The following PTK2 variants were observed in gnomAD, a reference collection of about 807,000 sequenced individuals.
PTK2 encodes the protein focal adhesion kinase 1.
Under a neutral mutation model 150.1 loss-of-function variants are expected in PTK2, and 45 were observed. The ratio of observed to expected loss-of-function variants is 0.30; its 90% CI spans 0.24 to 0.38. The LOEUF is 0.38. PTK2 is among the 10% of genes least tolerant of loss of function. PTK2 has a pLI of 1.00. For missense variants in PTK2, 919 were observed against 1,307.3 expected (o/e 0.70, Z 4.58); for synonymous variants, 432 against 449.2 (o/e 0.96, Z 0.48).
Position 140,797,280 on chromosome 8 carries a change from T to C in PTK2, c.1093+3179A>G, listed in dbSNP as rs1426609872. 2.0e-5 allele frequency among the ~76,000 whole-genome samples: 3 copies of C among 152,208 alleles called. No individual in the cohort carries two copies. In the South Asian group the frequency reaches 6.2e-4, roughly 31 times the overall value. On this transcript the variant is annotated intron_variant, in intron 12 of 31. Coordinates refer to ENST00000522684, the Ensembl canonical transcript of PTK2. ...GTACATTCCTCTTTTTTATACTAGG[T>C]TGTCTTTTACTGAATGAGCTGGAAG...
chr8:140,756,022 A>C (rs2100065481), intron 16 of PTK2, among the ~76,000 whole-genome samples: 3 of 152,214 alleles, frequency 2.0e-5, no homozygotes, highest in Admixed American at 2.0e-4. Context: ...TATACAATAT[A>C]CACAAGAAAG....
Position 140,820,076 on chromosome 8 carries a change from GTTTTTTTTTTTTTTTTTTTTTT to G in PTK2, c.649-1078_649-1057del, listed in dbSNP as rs370537018. 1.6e-3 allele frequency among the ~76,000 whole-genome samples: 78 copies of G among 50,252 alleles called. 1 individual carries two copies. Among genetic ancestry groups the G allele is most frequent in the South Asian group, 6.8e-3 (9 of 1,318 alleles). The allele number at this position is 50,252 out of a possible 152,430, so 33.0% of individuals were successfully genotyped here. On this transcript the variant is annotated intron_variant, in intron 8 of 31. Coordinates refer to ENST00000522684, the Ensembl canonical transcript of PTK2. Reference sequence around the variant, plus strand: ...AGAGGAGTGACTTTATCTGACTTTGGTTTTTTTTTTTTTTTTTTTTTTTTTTTTTTTTTTTTTTTTTTAAATA... The same window carrying G: ...AGAGGAGTGACTTTATCTGACTTTGGTTTTTTTTTTTTTTTTTTTTAAATA...
intron 1 of PTK2, among the ~76,000 whole-genome samples, chr8:140,935,671 C>A (rs533122952): frequency 9.4e-5 from 14 of 148,254 alleles, no homozygotes; most frequent in African/African-American, 3.2e-4. Flanking sequence ...ATGCGCTGTT[C>A]ATGTAATCTC....
chr8:140,814,949 T>C (rs2100103791), intron 10 of PTK2, among the ~76,000 whole-genome samples: 1 of 152,094 alleles, frequency 6.6e-6, no homozygotes, highest in Non-Finnish European at 1.5e-5. Context: ...TGATTTTTTG[T>C]ATTTTTAGTA....
rs1034219005 is a variant in PTK2 at position 140,740,678 on chromosome 8, T to C, written c.1736-1571A>G. 3.3e-5 allele frequency among the ~76,000 whole-genome samples: 5 copies of C among 152,372 alleles called. No individual in the cohort carries two copies. In the South Asian group the frequency reaches 1.0e-3, roughly 32 times the overall value. ...ATTTGGACATCATACTACTTGGAATTTAGCTCTTTATTGGAATTCTAGGAC... is the reference window on the plus strand; with the variant it reads ...ATTTGGACATCATACTACTTGGAATCTAGCTCTTTATTGGAATTCTAGGAC... On this transcript the variant is annotated intron_variant, in intron 20 of 31. Transcript: ENST00000522684.
rs2100089733 is a variant in PTK2, at chr8:140,793,397, A to G, written c.1094-13T>C. 9 of 1,608,920 alleles carry G rather than the reference A, an allele frequency of 5.6e-6. No homozygotes were observed. The highest frequency in any genetic ancestry group is 7.6e-6 in the Non-Finnish European group (9 of 1,178,558). On this transcript the variant is annotated splice_polypyrimidine_tract_variant and intron_variant, in intron 12 of 31. Transcript: ENST00000522684. ...GCCCGTTCACCTTCTGCGGGGAAAA[A>G]GAAAAGAGATGCATAAGGCTCTTTT...
At chr8:140,814,102 AG>A (rs2100103276) in intron 10 of PTK2, among the ~76,000 whole-genome samples, 1 of 152,230 alleles carries the variant, frequency 6.6e-6, no homozygotes, top group Non-Finnish European at 1.5e-5. Flanking sequence ...AGACTGAGCC[AG>A]GAAGAAACTG....
chr8:140,840,992 A>G (rs2100121991), intron 7 of PTK2, among the ~76,000 whole-genome samples: 1 of 152,216 alleles, frequency 6.6e-6, no homozygotes, highest in Admixed American at 6.5e-5. Context: ...CATAGAGAAG[A>G]TCACTACATA....
intron 1 of PTK2, among the ~76,000 whole-genome samples, chr8:140,982,854 T>A (rs1331542862): frequency 6.6e-6 from 1 of 152,230 alleles, no homozygotes; most frequent in Non-Finnish European, 1.5e-5. Flanking sequence ...TAACCATGGC[T>A]GAAAGTGGTA....
At chr8:140,904,459 T>C (rs1243440608) in intron 2 of PTK2, among the ~76,000 whole-genome samples, 1 of 152,196 alleles carries the variant, frequency 6.6e-6, no homozygotes, top group East Asian at 1.9e-4. Flanking sequence ...TGAAATTTTC[T>C]TTTTTTCTTG....
chr8:140,766,571 C>T (rs1344918204), intron 14 of PTK2, among the ~76,000 whole-genome samples: 4 of 152,196 alleles, frequency 2.6e-5, no homozygotes, highest in Non-Finnish European at 4.4e-5. Flanking sequence ...GGAACCTTCA[C>T]GTATCTTGCT....
intron 14 of PTK2, among the ~76,000 whole-genome samples, chr8:140,774,521 C>T (rs774763143): frequency 1.3e-5 from 2 of 152,098 alleles, no homozygotes; most frequent in African/African-American, 4.8e-5. Context: ...CATTGTGTAG[C>T]GTGGTCCTAT....
intron 9 of PTK2, among the ~76,000 whole-genome samples, 163 bp downstream of exon 9, chr8:140,818,714 AATT>A: frequency 6.6e-6 from 1 of 152,250 alleles, no homozygotes. Flanking sequence ...TTCTCACATT[AATT>A]ATTTTCTTTT....
chr8:140,983,880 C>G (rs542157945), intron 1 of PTK2: 1 of 152,334 alleles, frequency 6.6e-6, no homozygotes, highest in African/African-American at 2.4e-5. Context: ...CACTGCCGGG[C>G]ACGGTGGCTC....
rs565407013 is a variant in PTK2, at chr8:140,748,579, C to T, written c.1418-1719G>A. ...AAATGCCAGCTGCTGCCTTTTTTGG[C>T]ATACTTTGTTTATGGTCCTGTACTA... On this transcript the variant is annotated intron_variant, in intron 17 of 31. Coordinates refer to ENST00000522684, the Ensembl canonical transcript of PTK2. Among the ~76,000 whole-genome samples, 22 of 151,468 alleles carry T rather than the reference C, an allele frequency of 1.5e-4. No homozygotes were observed. The East Asian group carries it at 4.3e-3, about 29-fold the overall frequency.
intron 5 of PTK2, among the ~76,000 whole-genome samples, chr8:140,861,873 T>C (rs895577990): frequency 4.6e-5 from 7 of 152,222 alleles, no homozygotes; most frequent in African/African-American, 1.4e-4. Context: ...GAATTTTTTT[T>C]AGACCACTCT....
At chr8:140,975,205 G>GA (rs1259063593) in intron 1 of PTK2, among the ~76,000 whole-genome samples, 2 of 152,100 alleles carry the variant, frequency 1.3e-5, no homozygotes, top group African/African-American at 4.8e-5. Context: ...AATGACAAAG[G>GA]TTGGGTGACT....
intron 1 of PTK2, among the ~76,000 whole-genome samples, chr8:140,958,588 A>C (rs2100182020): frequency 6.6e-6 from 1 of 152,220 alleles, no homozygotes; most frequent in African/African-American, 2.4e-5. Flanking sequence ...CACAGTACCC[A>C]CTAGTCACGT....
intron 18 of PTK2, among the ~76,000 whole-genome samples, chr8:140,745,783 G>A (rs1036884549): frequency 1.3e-5 from 2 of 152,002 alleles, no homozygotes; most frequent in African/African-American, 4.8e-5. Context: ...GCAGATCACT[G>A]GAGGTCAGGG....
Sources: gnomAD v4.1 joint callset for allele counts (sites outside exome capture counted in the v4.1 genomes callset) on GRCh38, gnomAD v4.1.1 for gene constraint, MANE v1.5 for transcripts, NCBI Gene and HGNC (gene_info 2026-07-23, HGNC 2026-07-21) for gene names.